The following FBXO33 variants were observed in gnomAD, a reference collection of about 807,000 sequenced individuals.
The protein encoded by FBXO33 is F-box protein 33, also known as F-box only protein 33.
A neutral mutation model predicts 46.3 loss-of-function variants in FBXO33; 22 were observed. The observed-to-expected ratio is 0.48, with a 90% CI of 0.34 to 0.68. FBXO33 has a LOEUF of 0.68. FBXO33 is among the 30% of genes least tolerant of loss of function. The pLI is 0.01. For synonymous variants in FBXO33, 337 were observed against 291.3 expected (o/e 1.16, Z -1.60); for missense variants, 692 against 708.8 (o/e 0.98, Z 0.27).
intron 1 of FBXO33, among the ~76,000 whole-genome samples, chr14:39,430,368 G>A (rs988893160): frequency 6.6e-6 from 1 of 152,024 alleles, no homozygotes; most frequent in African/African-American, 2.4e-5. Context: ...GATTAATGGC[G>A]CATACATATA....
At chr14:39,404,930 C>T (rs866237049) in intron 1 of FBXO33, among the ~76,000 whole-genome samples, 43 of 151,706 alleles carry the variant, frequency 2.8e-4, no homozygotes, top group African/African-American at 6.0e-4. Context: ...GGGTGGATCA[C>T]GAGGTCAGGA....
intron 1 of FBXO33, among the ~76,000 whole-genome samples, chr14:39,429,956 A>C (rs1247691310): frequency 6.6e-6 from 1 of 152,232 alleles, no homozygotes; most frequent in East Asian, 1.9e-4. Context: ...ACTTAAAAGG[A>C]ACTAGACACT....
At chr14:39,400,253 C>T (rs1223975826) in intron 3 of FBXO33, among the ~76,000 whole-genome samples, 3 of 152,062 alleles carry the variant, frequency 2.0e-5, no homozygotes, top group Admixed American at 6.6e-5. Flanking sequence ...TAAAGGTAAA[C>T]TGTTAATTGT....
chr14:39,416,256 G>GTTTT (rs71435661), intron 1 of FBXO33, among the ~76,000 whole-genome samples: 1 of 149,560 alleles, frequency 6.7e-6, no homozygotes, highest in Non-Finnish European at 1.5e-5. Flanking sequence ...TTGGTTGACA[G>GTTTT]TTTTTTTTTT....
At chr14:39,405,489 A>G (rs959209164) in intron 1 of FBXO33, among the ~76,000 whole-genome samples, 3 of 135,454 alleles carry the variant, frequency 2.2e-5, no homozygotes, top group Non-Finnish European at 5.3e-5. Context: ...AAATCAGGGA[A>G]TTTTTTGGGG....
intron 1 of FBXO33, 107 bp downstream of exon 1, chr14:39,431,457 C>A: frequency 1.3e-6 from 2 of 1,552,020 alleles, no homozygotes; most frequent in South Asian, 2.3e-5. Context: ...CTGAGGAAGG[C>A]AACACTGAAG....
chr14:39,426,264 T>C (rs1044951867), intron 1 of FBXO33, among the ~76,000 whole-genome samples: 33 of 152,182 alleles, frequency 2.2e-4, no homozygotes, highest in African/African-American at 7.7e-4. Context: ...TTTTTCCTTT[T>C]GTCTTACTAC....
intron 1 of FBXO33, 80 bp from the exon 2 acceptor site, chr14:39,402,591 AAGGGGATATTC>A (rs1310106184): frequency 1.7e-6 from 1 of 596,716 alleles, no homozygotes; most frequent in East Asian, 3.6e-5. Context: ...AGAATATGCA[AAGGGGATATTC>A]TAGGAAGGTT....
chr14:39,410,142 G>A (rs1484416254), intron 1 of FBXO33, among the ~76,000 whole-genome samples: 1 of 152,130 alleles, frequency 6.6e-6, no homozygotes, highest in African/African-American at 2.4e-5. Flanking sequence ...TTTCACTATT[G>A]AGTATGATAT....
intron 1 of FBXO33, among the ~76,000 whole-genome samples, chr14:39,403,653 G>C (rs954715208): frequency 3.8e-4 from 58 of 152,128 alleles, no homozygotes; most frequent in African/African-American, 1.3e-3. Flanking sequence ...AAATAAAATA[G>C]GAGAAAACTG....
In FBXO33 at chr14:39,431,743, A is replaced by T. The variant is rs1318948201; in HGVS notation, c.420T>A (p.Arg140=). ...RKCGWFVREL[R]VEFAAENYLS... Reference sequence around the variant, plus strand: ...GATAGTTCTCGGCGGCGAATTCAACACGCAGCTCTCGCACGAACCAGCCGC... The same window carrying T: ...GATAGTTCTCGGCGGCGAATTCAACTCGCAGCTCTCGCACGAACCAGCCGC... Residue 140 remains arginine, a synonymous_variant, in exon 1 of 4, where the codon CGT becomes CGA. Transcript: ENST00000298097. 2.5e-6 allele frequency: 4 copies of T among 1,612,796 alleles called. No individual in the cohort carries two copies. In the South Asian group the frequency reaches 4.4e-5, roughly 18 times the overall value.
At chr14:39,419,667 T>C (rs563832668) in intron 1 of FBXO33, among the ~76,000 whole-genome samples, 1 of 152,252 alleles carries the variant, frequency 6.6e-6, no homozygotes, top group South Asian at 2.1e-4. Flanking sequence ...ATTCATTTAT[T>C]TATTGTTGAA....
In FBXO33 at chr14:39,399,033, T is replaced by C. The variant is rs992335173; in HGVS notation, c.*483A>G. On this transcript the variant is annotated 3_prime_UTR_variant, in exon 4 of 4. Coordinates refer to ENST00000298097, the MANE Select transcript of FBXO33 (RefSeq NM_203301.4). Reference sequence around the variant, plus strand: ...GTCTTGGCTTTTCTGTTACAGATAATTCATTTGGGATATTATTTATCTTCC... The same window carrying C: ...GTCTTGGCTTTTCTGTTACAGATAACTCATTTGGGATATTATTTATCTTCC... The C allele has an allele frequency of 1.4e-4, 22 of 152,688 alleles. No homozygotes were observed. The highest frequency in any genetic ancestry group is 5.1e-4 in the African/African-American group (21 of 41,456). The allele number at this position is 152,688 out of a possible 1,614,324, so 9.5% of individuals were successfully genotyped here.
intron 3 of FBXO33, among the ~76,000 whole-genome samples, chr14:39,400,004 T>C (rs1280103980): frequency 3.3e-5 from 5 of 152,238 alleles, no homozygotes; most frequent in African/African-American, 1.2e-4. Context: ...GTTCAAGAGT[T>C]ACCGCTATAG....
intron 1 of FBXO33, among the ~76,000 whole-genome samples, chr14:39,410,687 A>C (rs2075418212): frequency 6.6e-6 from 1 of 152,178 alleles, no homozygotes; most frequent in South Asian, 2.1e-4. Context: ...GTTTTTAATA[A>C]TTATGGATTC....
rs1159059027 is a variant in FBXO33 at position 39,399,651 on chromosome 14, A to T, written c.1533T>A (p.His511Gln). ...CCAGGGATACCTGCTCAATAAGGTTATGCACTGGATCTACATCCTGGTCGG... is the reference window on the plus strand; with the variant it reads ...CCAGGGATACCTGCTCAATAAGGTTTTGCACTGGATCTACATCCTGGTCGG... Reference protein sequence around the residue: ...ELADQDVDPVHNLIEQVSLGL... With the variant: ...ELADQDVDPVQNLIEQVSLGL... Residue 511 changes from histidine to glutamine, a missense_variant, in exon 4 of 4, where the codon CAT (histidine) becomes CAA (glutamine). Transcript: ENST00000298097. The T allele has an allele frequency of 6.2e-7, 1 of 1,613,950 alleles. No individual in the cohort carries two copies. The highest frequency in any genetic ancestry group is 8.5e-7 in the Non-Finnish European group (1 of 1,179,988).
At chr14:39,420,819 A>T (rs564237744) in intron 1 of FBXO33, among the ~76,000 whole-genome samples, 2 of 152,332 alleles carry the variant, frequency 1.3e-5, no homozygotes, top group African/African-American at 4.8e-5. Flanking sequence ...TTTCACAAGT[A>T]AAATTAGAAA....
rs1354902381 is a variant in FBXO33, at chr14:39,414,176, C to T, written c.600-11665G>A. On this transcript the variant is annotated intron_variant, in intron 1 of 3. Transcript: ENST00000298097. ...TTAACTAGATCTTCTGCAGCTTCCA[C>T]GACAGCACCTGCTGATTCAGCTTGC... 3.9e-5 allele frequency among the ~76,000 whole-genome samples: 6 copies of T among 152,342 alleles called. No individual in the cohort carries two copies. In the South Asian group the frequency reaches 1.0e-3, roughly 26 times the overall value.
rs367725002 is a variant in FBXO33, at chr14:39,409,029, G to A, written c.600-6518C>T. Among the ~76,000 whole-genome samples the A allele has an allele frequency of 2.6e-4, 39 of 151,948 alleles. No individual in the cohort carries two copies. In the South Asian group the frequency reaches 4.4e-3, roughly 17 times the overall value. On this transcript the variant is annotated intron_variant, in intron 1 of 3. Coordinates refer to ENST00000298097, the MANE Select transcript of FBXO33 (RefSeq NM_203301.4). Reference sequence around the variant, plus strand: ...TGGGCTCAAGGAATCTGCCTGCCTCGGCCTCTTCAGCTTGCTTTTTAATTT... The same window carrying A: ...TGGGCTCAAGGAATCTGCCTGCCTCAGCCTCTTCAGCTTGCTTTTTAATTT...
Sources: allele counts gnomAD v4.1 joint callset (sites outside exome capture counted in the v4.1 genomes callset), GRCh38; gene constraint gnomAD v4.1.1; transcripts MANE v1.5; gene names NCBI Gene and HGNC (gene_info 2026-07-23, HGNC 2026-07-21).